Variants in C2orf81 observed in about 807,000 individuals in gnomAD.
C2orf81 encodes uncharacterized protein C2orf81.
C2orf81 carries 5 observed loss-of-function variants against 7.9 expected under a neutral mutation model. The ratio of observed to expected loss-of-function variants is 0.63; its 90% CI spans 0.33 to 1.33. The LOEUF (loss-of-function observed/expected upper bound fraction) is 1.33. C2orf81 is among the 40% of genes most tolerant of loss of function. The probability of loss-of-function intolerance (pLI) is 0.05; values close to 1 mark genes in which losing one functional copy is unlikely to be tolerated. For missense variants in C2orf81, 781 were observed against 830.4 expected, an observed-to-expected ratio of 0.94 and a Z score of 0.73; for synonymous variants, 346 against 367.4, an observed-to-expected ratio of 0.94 and a Z score of 0.66.
At position 74,414,615 on chromosome 2, in the gene C2orf81, C is replaced by A. The variant is rs1423722479; in HGVS notation, c.1562G>T (p.Arg521Leu). ...AELLGELWAGRTRVPPQGLEL... is the reference protein window; with the variant it reads ...AELLGELWAGLTRVPPQGLEL... ...CAGACCCTGTGGAGGCACGCGGGTC[C>A]GGCCAGCCCACAGCTCGCCCAGCAG... is the stretch of plus-strand genomic sequence containing the variant. Residue 521 changes from arginine (R) to leucine (L), a missense_variant, in exon 3 of 3, where the codon CGG (arginine) becomes CTG (leucine). By Grantham distance (102) the Arg-to-Leu change is moderately radical (BLOSUM62 -2). Coordinates refer to ENST00000684111, the MANE Select transcript of C2orf81 (RefSeq NM_001316764.3). This position sits in a 1 kb window ranked among gnomAD's most constrained non-coding sequence, Gnocchi z 5.3. The A allele has an allele frequency of 6.5e-7, 1 of 1,549,888 alleles. No homozygotes were observed.
intron 1 of C2orf81, 84 bp downstream of exon 1, chr2:74,421,459 G>T: frequency 3.2e-6 from 1 of 312,462 alleles, no homozygotes; most frequent in Non-Finnish European, 5.9e-6. Context: ...GCACTGGGCG[G>T]CCCAGAGCCA....
At chr2:74,417,608 C>T (rs1338954049) in intron 1 of C2orf81, 3 of 1,038,468 alleles carry the variant, frequency 2.9e-6, no homozygotes, top group Non-Finnish European at 3.9e-6. Flanking sequence ...CTGGGGGAAT[C>T]CTGGGGGCCA....
chr2:74,419,762 C>CT (rs957087146), intron 1 of C2orf81, among the ~76,000 whole-genome samples: 1 of 152,016 alleles, frequency 6.6e-6, no homozygotes, highest in South Asian at 2.1e-4. Flanking sequence ...TAAAGGTAAT[C>CT]TTTTTTTGTT....
intron 1 of C2orf81, chr2:74,417,417 T>A (rs1676496230): frequency 7.6e-7 from 1 of 1,309,828 alleles, no homozygotes; most frequent in African/African-American, 1.5e-5. Flanking sequence ...ATCACTGCAA[T>A]ATGTACTCAG....
rs1298325576 is a variant in C2orf81, at chr2:74,415,252, G to A, written c.925C>T (p.Gln309Ter). 7 of 1,551,430 alleles carry A rather than the reference G, an allele frequency of 4.5e-6. No individual in the cohort carries two copies. Among genetic ancestry groups the A allele is most frequent in the Non-Finnish European group, 6.1e-6 (7 of 1,147,006 alleles). Residue 309 changes from glutamine (Q) to a stop codon, truncating the protein, a stop_gained, in exon 3 of 3, where the codon CAA becomes TAA. Coordinates refer to ENST00000684111, the MANE Select transcript of C2orf81 (RefSeq NM_001316764.3). LOFTEE classifies it low-confidence loss of function (END_TRUNC). This position sits in a 1 kb window ranked among gnomAD's most constrained non-coding sequence, Gnocchi z 5.5. The stretch of plus-strand genomic sequence containing the variant: ...AGCCGATCCCCAGCCGCGTCCAGTT[G>A]AGGCATGCAACAGTAGAGGTCTTCC... ...SLEDLYCCMP[Q>*]LDAAGDRLEL...
Position 74,415,940 on chromosome 2 carries a change from G to A in C2orf81, c.250-13C>T, listed in dbSNP as rs976876689. 6 of 1,546,750 alleles carry A rather than the reference G, an allele frequency of 3.9e-6. No homozygotes were observed. The highest frequency in any genetic ancestry group is 5.2e-6 in the Non-Finnish European group (6 of 1,143,326). ...TGAATGGAATGCACTGCGGAGGCGAGAGAGGATCTCAGGTCGGCAGGGAGG... is the reference window on the plus strand; with the variant it reads ...TGAATGGAATGCACTGCGGAGGCGAAAGAGGATCTCAGGTCGGCAGGGAGG... On this transcript the variant is annotated splice_polypyrimidine_tract_variant and intron_variant, in intron 2 of 2. Coordinates refer to ENST00000684111, the MANE Select transcript of C2orf81 (RefSeq NM_001316764.3). The surrounding 1 kb of genome is among the most constrained non-coding windows in gnomAD (Gnocchi z 5.5).
At chr2:74,416,337 T>A in intron 1 of C2orf81, 96 bp from the exon 2 acceptor site, 1 of 888,514 alleles carries the variant, frequency 1.1e-6, no homozygotes, top group East Asian at 6.3e-5. Flanking sequence ...AGTTGTCTAG[T>A]GGGAAGGAAA....
In C2orf81 at chr2:74,414,512, C is replaced by T. The variant is rs1434520699; in HGVS notation, c.1665G>A (p.Gln555=). 23 of 1,547,688 alleles carry T rather than the reference C, an allele frequency of 1.5e-5. No individual in the cohort carries two copies. The highest frequency in any genetic ancestry group is 1.9e-5 in the Non-Finnish European group (22 of 1,144,572). The stretch of plus-strand genomic sequence containing the variant: ...GCAGCAACACGGGCTTCCACATCAC[C>T]TGGGAAGTGGCTTCAAGGACCGGGG... ...TTPPVLEATS[Q]VMWKPVLLPE... is the part of the protein sequence containing the mutation. The change falls in exon 3 of 3, where the codon CAG becomes CAA. Residue 555 remains glutamine, a synonymous_variant. Coordinates refer to ENST00000684111, the MANE Select transcript of C2orf81 (RefSeq NM_001316764.3). The surrounding 1 kb of genome is among the most constrained non-coding windows in gnomAD (Gnocchi z 5.3).
chr2:74,419,895 C>G (rs551844748), intron 1 of C2orf81, among the ~76,000 whole-genome samples: 27 of 152,300 alleles, frequency 1.8e-4, no homozygotes, highest in Middle Eastern at 6.8e-3. Flanking sequence ...CCTCAGCCTC[C>G]GGAGTAGCTG....
Position 74,418,342 on chromosome 2 carries a change from G to A in C2orf81, c.19-2101C>T, listed in dbSNP as rs763706376. The A allele has an allele frequency of 8.4e-5, 135 of 1,603,340 alleles. 1 individual carries two copies. The Middle Eastern group carries it at 1.2e-3, about 15-fold the overall frequency. ...TACCAGCGCTGTCCTGGGACTCACC[G>A]GAGGCTGCTTGCGCGGCCTGCCACG... On this transcript the variant is annotated intron_variant, in intron 1 of 2. Transcript: ENST00000684111.
chr2:74,416,285 T>C, intron 1 of C2orf81, 44 bp from the exon 2 acceptor site: 1 of 1,275,196 alleles, frequency 7.8e-7, no homozygotes, highest in Non-Finnish European at 1.0e-6. Context: ...AACCAAGAAG[T>C]GGAACGGAAG....
rs1676380307 is a variant in C2orf81 at position 74,414,469 on chromosome 2, C to G, written c.1708G>C (p.Ala570Pro). ...CGGTTCCACATGCTCACACCAGGGG[C>G]CAGCTTCAGGGCTTCTGGCAGCAAC... ...PVLLPEALKL[A>P]PGVSMWNRST... Residue 570 changes from alanine to proline, a missense_variant, in exon 3 of 3, where the codon GCC (alanine) becomes CCC (proline). Transcript: ENST00000684111. The surrounding 1 kb of genome is among the most constrained non-coding windows in gnomAD (Gnocchi z 5.3). The G allele has an allele frequency of 1.9e-6, 3 of 1,551,178 alleles. No individual in the cohort carries two copies. Among genetic ancestry groups the G allele is most frequent in the Non-Finnish European group, 2.6e-6 (3 of 1,146,642 alleles).
chr2:74,418,357 G>C, intron 1 of C2orf81: 8 of 1,596,566 alleles, frequency 5.0e-6, no homozygotes, highest in Non-Finnish European at 6.9e-6. Flanking sequence ...CTGCTTGCGC[G>C]GCCTGCCACG....
intron 1 of C2orf81, chr2:74,418,593 A>G: frequency 1.6e-6 from 1 of 636,596 alleles, no homozygotes; most frequent in Non-Finnish European, 2.8e-6. Context: ...CTGGTCGCAA[A>G]TGCGGATGCC....
chr2:74,421,600 T>G lies in C2orf81; in HGVS notation c.-40A>C. ...CAGCAACGCTGGTGTTTCTGCTGCATCCGGGCCGCGTAAGCCACCTAACAG... is the reference window on the plus strand; with the variant it reads ...CAGCAACGCTGGTGTTTCTGCTGCAGCCGGGCCGCGTAAGCCACCTAACAG... On this transcript the variant is annotated 5_prime_UTR_variant, in exon 1 of 3. The change abolishes an upstream ATG in the 5' untranslated region. Transcript: ENST00000684111. 1 of 427,284 alleles carries G rather than the reference T, an allele frequency of 2.3e-6. No homozygotes were observed. Among genetic ancestry groups the G allele is most frequent in the Admixed American group, 4.3e-5 (1 of 23,238 alleles). The allele number at this position is 427,284 out of a possible 1,614,324, so 26.5% of individuals were successfully genotyped here. A position where few individuals can be genotyped will look rare whatever the true frequency, so the allele number is the denominator to read the frequency against.
In C2orf81 at chr2:74,414,520, T is replaced by C; in HGVS notation, c.1657A>G (p.Thr553Ala). 1.3e-6 allele frequency: 2 copies of C among 1,546,378 alleles called. No homozygotes were observed. Among genetic ancestry groups the C allele is most frequent in the Non-Finnish European group, 8.7e-7 (1 of 1,143,630 alleles). Residue 553 changes from threonine (T) to alanine (A), a missense_variant, in exon 3 of 3, where the codon ACT becomes GCT. Thr to Ala is a moderately conservative substitution (Grantham distance 58). Transcript: ENST00000684111. This position sits in a 1 kb window ranked among gnomAD's most constrained non-coding sequence, Gnocchi z 5.3. ...PRTTPPVLEA[T>A]SQVMWKPVLL... ...ACGGGCTTCCACATCACCTGGGAAGTGGCTTCAAGGACCGGGGGTGTGGTT... is the reference window on the plus strand; with the variant it reads ...ACGGGCTTCCACATCACCTGGGAAGCGGCTTCAAGGACCGGGGGTGTGGTT...
chr2:74,419,199 TAATAA>T (rs1676540357), intron 1 of C2orf81, among the ~76,000 whole-genome samples: 1 of 150,614 alleles, frequency 6.6e-6, no homozygotes, highest in African/African-American at 2.4e-5. Context: ...AAAAAAAAAC[TAATAA>T]AATAAAAAAT....
rs1433912055 is a variant in C2orf81 at position 74,414,794 on chromosome 2, T to C, written c.1383A>G (p.Leu461=). Residue 461 remains leucine, a synonymous_variant, in exon 3 of 3, where the codon CTA becomes CTG. Transcript: ENST00000684111. This position sits in a 1 kb window ranked among gnomAD's most constrained non-coding sequence, Gnocchi z 5.3. The part of the protein sequence containing the change: ...ALLFPTLNLG[L]SSPSLESKLP... Reference sequence around the variant, plus strand: ...GCTTTGACTCGAGGGATGGCGACGATAGGCCTAAATTTAAAGTGGGGAACA... The same window carrying C: ...GCTTTGACTCGAGGGATGGCGACGACAGGCCTAAATTTAAAGTGGGGAACA... 10 of 1,551,500 alleles carry C rather than the reference T, an allele frequency of 6.4e-6. No homozygotes were observed. Among genetic ancestry groups the C allele is most frequent in the Middle Eastern group, 1.7e-4 (1 of 5,990 alleles).
At chr2:74,418,691 G>T (rs538840701) in intron 1 of C2orf81, 20 of 488,200 alleles carry the variant, frequency 4.1e-5, no homozygotes, top group Admixed American at 4.0e-4. Flanking sequence ...AGCTTAAAAA[G>T]TTCTCTACAT....
Sources: allele counts gnomAD v4.1 joint callset (sites outside exome capture counted in the v4.1 genomes callset), GRCh38; gene constraint gnomAD v4.1.1; non-coding constraint Gnocchi (gnomAD v3.1); transcripts MANE v1.5; gene names NCBI Gene and HGNC (gene_info 2026-07-23, HGNC 2026-07-21).